LOC400499: variants seen among roughly 807,000 people sequenced by gnomAD.
the LOC400499 span, among the ~76,000 whole-genome samples, chr16:11,411,775 CA>C: frequency 6.6e-6 from 1 of 152,114 alleles, no homozygotes; most frequent in Non-Finnish European, 1.5e-5. Flanking sequence ...GACTCCCTCC[CA>C]GGGATCCTCC....
the LOC400499 span, chr16:11,404,795 G>GCGCAGGACCC: frequency 2.5e-6 from 1 of 399,050 alleles, no homozygotes; most frequent in East Asian, 3.6e-5. Context: ...GCACCACCTG[G>GCGCAGGACCC]CGCAGGACAC....
the LOC400499 span, among the ~76,000 whole-genome samples, chr16:11,457,609 A>T: frequency 2.6e-5 from 4 of 151,732 alleles, no homozygotes; most frequent in Non-Finnish European, 5.9e-5. Context: ...AAAAAAAAAA[A>T]ATTAAAGATC....
At chr16:11,390,136 G>A in the LOC400499 span, 1 of 1,232,380 alleles carries the variant, frequency 8.1e-7, no homozygotes, top group Non-Finnish European at 1.0e-6. Flanking sequence ...TCCAGCAGTG[G>A]TTTGCAGAGC....
chr16:11,473,232 G>A, the LOC400499 span: 4 of 151,026 alleles, frequency 2.6e-5, no homozygotes, highest in Non-Finnish European at 5.9e-5. Flanking sequence ...GTATGTTATA[G>A]TTTCAAGTTT....
chr16:11,479,316 G>GA, the LOC400499 span, among the ~76,000 whole-genome samples: 2,134 of 152,180 alleles, frequency 0.014, 26 homozygotes, highest in Middle Eastern at 0.024. Flanking sequence ...TTAGATTTAC[G>GA]GAAAAGTTGA....
chr16:11,385,013 T>C, the LOC400499 span: 5 of 1,232,148 alleles, frequency 4.1e-6, no homozygotes, highest in Middle Eastern at 6.2e-4. Context: ...AGGATGCAGC[T>C]TGAGGTCCGG....
the LOC400499 span, chr16:11,396,791 C>G: frequency 2.4e-6 from 2 of 838,348 alleles, no homozygotes; most frequent in Non-Finnish European, 3.2e-6. Context: ...CCACACCTGT[C>G]GCAGCTCACA....
chr16:11,422,753 T>C, the LOC400499 span, among the ~76,000 whole-genome samples: 3 of 152,120 alleles, frequency 2.0e-5, no homozygotes, highest in African/African-American at 4.8e-5. Context: ...GAGAAAGGCA[T>C]TGTGCTTCCT....
chr16:11,425,557 A>C, the LOC400499 span: 1 of 397,632 alleles, frequency 2.5e-6, no homozygotes, highest in South Asian at 1.4e-4. Flanking sequence ...CTTGTAACTC[A>C]TGTCAGAAAT....
the LOC400499 span, chr16:11,417,765 G>C: frequency 2.8e-5 from 11 of 398,946 alleles, no homozygotes; most frequent in East Asian, 3.9e-4. Flanking sequence ...CAGAGTAGTT[G>C]AGGAATGTGG....
chr16:11,496,515 G>A, the LOC400499 span, among the ~76,000 whole-genome samples: 14 of 152,340 alleles, frequency 9.2e-5, no homozygotes, highest in African/African-American at 3.1e-4. Flanking sequence ...GTGCTTGTGG[G>A]TGTGTACGTT....
the LOC400499 span, among the ~76,000 whole-genome samples, chr16:11,517,688 G>C: frequency 6.6e-6 from 1 of 152,188 alleles, no homozygotes; most frequent in African/African-American, 2.4e-5. Flanking sequence ...GTCAGGGAAG[G>C]AGCTGGCACC....
the LOC400499 span, chr16:11,392,823 AC>A: frequency 3.1e-6 from 3 of 979,776 alleles, no homozygotes; most frequent in Non-Finnish European, 3.6e-6. Context: ...GGAACACATC[AC>A]CCCCTACCCC....
the LOC400499 span, among the ~76,000 whole-genome samples, chr16:11,461,585 A>G: frequency 6.6e-6 from 1 of 152,214 alleles, no homozygotes; most frequent in South Asian, 2.1e-4. Context: ...ATAGCCCATC[A>G]TGGGTTGTTG....
At chr16:11,504,829 A>C in the LOC400499 span, among the ~76,000 whole-genome samples, 1 of 152,178 alleles carries the variant, frequency 6.6e-6, no homozygotes, top group Non-Finnish European at 1.5e-5. Context: ...AGGCTGAGAC[A>C]GGAGAATCAC....
the LOC400499 span, chr16:11,442,598 G>A: frequency 1.3e-5 from 2 of 152,168 alleles, no homozygotes; most frequent in African/African-American, 4.8e-5. Context: ...GTCAGACCCT[G>A]TTGTTGTCAG....
chr16:11,437,284 G>A, the LOC400499 span, among the ~76,000 whole-genome samples: 2 of 152,216 alleles, frequency 1.3e-5, no homozygotes, highest in Non-Finnish European at 2.9e-5. Context: ...GGCTGGCAGG[G>A]CACGATGACT....
chr16:11,405,000 G>T, the LOC400499 span: 1 of 396,702 alleles, frequency 2.5e-6, no homozygotes. Context: ...GGTGACATAT[G>T]TCAGGGGATC....
chr16:11,382,799 G>C, the LOC400499 span, among the ~76,000 whole-genome samples: 1 of 152,148 alleles, frequency 6.6e-6, no homozygotes, highest in Non-Finnish European at 1.5e-5. Flanking sequence ...GACAGAGTGA[G>C]ACTGTCCCAA....
Sources: gnomAD v4.1 joint callset for allele counts (sites outside exome capture counted in the v4.1 genomes callset) on GRCh38, gnomAD v4.1.1 for gene constraint, MANE v1.5 for transcripts.